The following IFIH1 variants were observed in gnomAD, a reference collection of about 807,000 sequenced individuals.
IFIH1 encodes interferon induced with helicase C domain 1.
In IFIH1, 125 loss-of-function variants were observed where a neutral mutation model predicts 107.4. The observed-to-expected ratio is 1.16, with a 90% confidence interval of 1.01 to 1.35. The LOEUF (loss-of-function observed/expected upper bound fraction) is 1.35, where lower values mean the gene tolerates loss of function less well. Ranked by LOEUF, IFIH1 falls within the 40% of genes most tolerant of loss-of-function variation. The probability of loss-of-function intolerance (pLI) is 0.00; values close to 1 mark genes in which losing one functional copy is unlikely to be tolerated. For missense variants in IFIH1, 1,333 were observed against 1,213.7 expected (o/e 1.10, Z -1.46); for synonymous variants, 458 against 413.2 (o/e 1.11, Z -1.31).
chr2:162,306,447 C>A (rs1372145922), intron 3 of IFIH1, among the ~76,000 whole-genome samples: 1 of 152,246 alleles, frequency 6.6e-6, no homozygotes, highest in East Asian at 1.9e-4. Context: ...TTATACTTAT[C>A]TTACAATGAC....
chr2:162,268,243 T>C lies in IFIH1; in HGVS notation c.2651A>G (p.Lys884Arg). 1 of 1,611,954 alleles carries C rather than the reference T, an allele frequency of 6.2e-7. No individual in the cohort carries two copies. The highest frequency in any genetic ancestry group is 8.5e-7 in the Non-Finnish European group (1 of 1,178,352). The change falls in exon 14 of 16, where the codon AAG becomes AGG. Residue 884 changes from lysine (K) to arginine (R), a missense_variant. By Grantham distance (26) the Lys-to-Arg change is conservative. Transcript: ENST00000649979. ...AATATTTCTCTTGGTTTTCATTTTC[T>C]TTTCCATTATACTTTGCATCTGTAA... is the stretch of plus-strand genomic sequence containing the variant. ...LELQMQSIME[K>R]KMKTKRNIAK...
chr2:162,313,030 CGTTATT>C (rs1010742144), intron 1 of IFIH1, among the ~76,000 whole-genome samples: 2 of 151,980 alleles, frequency 1.3e-5, no homozygotes, highest in African/African-American at 4.8e-5. Context: ...CTTTCTTTGC[CGTTATT>C]GAGTCCAAGC....
intron 1 of IFIH1, among the ~76,000 whole-genome samples, chr2:162,312,198 C>T (rs1179119566): frequency 6.6e-6 from 1 of 152,142 alleles, no homozygotes; most frequent in African/African-American, 2.4e-5. Context: ...CAATGTCTGG[C>T]ACTAATTCAG....
chr2:162,283,373 G>T (rs1426926542), intron 5 of IFIH1, among the ~76,000 whole-genome samples: 1 of 151,970 alleles, frequency 6.6e-6, no homozygotes, highest in Non-Finnish European at 1.5e-5. Flanking sequence ...AGCTGATTCT[G>T]TATGTTATAA....
At chr2:162,297,703 T>C (rs1203211824) in intron 3 of IFIH1, among the ~76,000 whole-genome samples, 1 of 152,152 alleles carries the variant, frequency 6.6e-6, no homozygotes, top group Non-Finnish European at 1.5e-5. Flanking sequence ...GATTAGAAGA[T>C]GGTAGTAATT....
chr2:162,277,162 A>AT (rs1674278088), intron 10 of IFIH1, among the ~76,000 whole-genome samples: 1 of 152,174 alleles, frequency 6.6e-6, no homozygotes, highest in African/African-American at 2.4e-5. Context: ...ATCTTGCGCT[A>AT]TATCTAATAA....
At chr2:162,308,185 T>G (rs1683320827) in intron 2 of IFIH1, among the ~76,000 whole-genome samples, 2 of 152,156 alleles carry the variant, frequency 1.3e-5, no homozygotes. Flanking sequence ...GCACTGGAAG[T>G]CCAAGATCAA....
chr2:162,310,471 AT>A (rs1558876122), intron 2 of IFIH1: 1 of 481,416 alleles, frequency 2.1e-6, no homozygotes, highest in Non-Finnish European at 3.7e-6. Flanking sequence ...GTATTTGTGT[AT>A]ATTTAATGTT....
rs79065246 is a variant in IFIH1 at position 162,284,800 on chromosome 2, T to G, written c.1096-2224A>C. The stretch of plus-strand genomic sequence containing the variant: ...CTCATCTTTCTTCTAGACTGTATAT[T>G]TCGTGAGGACAAGATCTACATTTGA... On this transcript the variant is annotated intron_variant, in intron 5 of 15. Transcript: ENST00000649979. Among the ~76,000 whole-genome samples, 16 of 152,012 alleles carry G rather than the reference T, an allele frequency of 1.1e-4. No individual in the cohort carries two copies. The East Asian group carries it at 3.1e-3, about 30-fold the overall frequency.
intron 1 of IFIH1, among the ~76,000 whole-genome samples, chr2:162,315,058 AT>A (rs1683464538): frequency 6.6e-6 from 1 of 152,238 alleles, no homozygotes; most frequent in Non-Finnish European, 1.5e-5. Flanking sequence ...GGAATCCTAA[AT>A]TAAAATAATA....
At chr2:162,285,730 G>A (rs1576228529) in intron 5 of IFIH1, among the ~76,000 whole-genome samples, 1 of 151,962 alleles carries the variant, frequency 6.6e-6, no homozygotes, top group Non-Finnish European at 1.5e-5. Flanking sequence ...TGCAATGAAA[G>A]ATTCCTGGCT....
intron 5 of IFIH1, among the ~76,000 whole-genome samples, chr2:162,283,592 A>T (rs1682846458): frequency 6.6e-6 from 1 of 152,040 alleles, no homozygotes; most frequent in Non-Finnish European, 1.5e-5. Flanking sequence ...AATGCCCATT[A>T]TATTATTCAC....
Position 162,318,183 on chromosome 2 carries a change from A to C in IFIH1, c.125T>G (p.Val42Gly). The part of the protein sequence containing the change: ...LDYLTFLPAE[V>G]KEQIQRTVAT... ...GACTGTCCTCTGAATCTGCTCCTTC[A>C]CCTCTGCAGGCAGAAAGGTCAGGTA... The change falls in exon 1 of 16, where the codon GTG becomes GGG. Residue 42 changes from valine to glycine, a missense_variant. Physicochemically the swap from Val to Gly is moderately radical, Grantham distance 109. Transcript: ENST00000649979. 6.2e-7 allele frequency: 1 copy of C among 1,613,990 alleles called. No homozygotes were observed. The highest frequency in any genetic ancestry group is 8.5e-7 in the Non-Finnish European group (1 of 1,179,980).
chr2:162,306,942 A>C (rs1683291744), intron 2 of IFIH1, 87 bp from the exon 3 acceptor site: 4 of 1,170,936 alleles, frequency 3.4e-6, no homozygotes. Context: ...TTTTGAAAAC[A>C]AACTAGAGGT....
intron 3 of IFIH1, among the ~76,000 whole-genome samples, chr2:162,295,677 TC>T (rs1683073844): frequency 1.3e-5 from 2 of 152,110 alleles, no homozygotes; most frequent in South Asian, 4.1e-4. Context: ...ATTTGAGGAA[TC>T]CCTTATGATC....
Position 162,267,324 on chromosome 2 carries a change from CTTATT to C in IFIH1, c.2949_2953del (p.Ile984GlufsTer9). The C allele has an allele frequency of 1.9e-6, 3 of 1,612,530 alleles. No individual in the cohort carries two copies. Among genetic ancestry groups the C allele is most frequent in the South Asian group, 1.1e-5 (1 of 90,344 alleles). On this transcript the variant is annotated frameshift_variant, in exon 16 of 16. Transcript: ENST00000649979. LOFTEE classifies it high-confidence loss of function. ...ATTTTTGAAAACCACTACAAAATTC[CTTATT>C]TTGAGACAAGGCAAATCTAAGCCTT... is the stretch of plus-strand genomic sequence containing the variant.
At chr2:162,268,424 A>G in intron 13 of IFIH1, 147 bp from the exon 14 acceptor site, 1 of 560,876 alleles carries the variant, frequency 1.8e-6, no homozygotes, top group Non-Finnish European at 3.1e-6. Flanking sequence ...TGAGGTAATG[A>G]CCCCCCAAAG....
In IFIH1 at chr2:162,318,420, A is replaced by G; in HGVS notation, c.-113T>C. ...CTGCCCACTTAGAGAAGCAGGGTCT[A>G]CCGCTCTGTGCCTGACAATGACGAG... On this transcript the variant is annotated 5_prime_UTR_variant, in exon 1 of 16. Transcript: ENST00000649979. The G allele has an allele frequency of 1.1e-6, 1 of 870,958 alleles. No individual in the cohort carries two copies. The highest frequency in any genetic ancestry group is 1.5e-5 in the South Asian group (1 of 64,892). The allele number at this position is 870,958 out of a possible 1,614,324, so 54.0% of individuals were successfully genotyped here.
chr2:162,273,753 C>T (rs1411680318), intron 12 of IFIH1, 42 bp downstream of exon 12: 5 of 1,384,624 alleles, frequency 3.6e-6, no homozygotes, highest in Non-Finnish European at 4.8e-6. Flanking sequence ...AGGAACACAA[C>T]AAATAAAAAT....
Sources: gnomAD v4.1 joint callset for allele counts (sites outside exome capture counted in the v4.1 genomes callset) on GRCh38, gnomAD v4.1.1 for gene constraint, MANE v1.5 for transcripts, NCBI Gene and HGNC (gene_info 2026-07-23, HGNC 2026-07-21) for gene names.